The following LRRC59 variants were observed in gnomAD, a reference collection of about 807,000 sequenced individuals.
LRRC59 encodes the protein leucine rich repeat containing 59, also known as leucine-rich repeat-containing protein 59.
A neutral mutation model predicts 33.5 loss-of-function variants in LRRC59; 18 were observed. That is an observed-to-expected ratio of 0.54 (90% CI 0.37 to 0.80). The LOEUF (loss-of-function observed/expected upper bound fraction) is 0.80, where lower values mean the gene tolerates loss of function less well. Among genes scored for constraint, LRRC59 ranks in the 30% least tolerant of loss-of-function variants. The pLI is 0.00. For synonymous variants in LRRC59, 138 were observed against 160.0 expected, an observed-to-expected ratio of 0.86 and a Z score of 1.04; for missense variants, 330 against 391.9, an observed-to-expected ratio of 0.84 and a Z score of 1.33.
chr17:50,388,690 C>T lies in LRRC59; in HGVS notation c.430-558G>A, dbSNP rs2143362670. On this transcript the variant is annotated intron_variant, in intron 4 of 6. Transcript: ENST00000225972. ...AGAAAAAAGTGAAACACAATGCCAA[C>T]TCGAATCTGTAAAAAGTTCTGCCAT... Among the ~76,000 whole-genome samples the T allele has an allele frequency of 2.0e-5, 3 of 152,314 alleles. No individual in the cohort carries two copies. In the South Asian group the frequency reaches 6.2e-4, roughly 32 times the overall value.
At chr17:50,383,308 C>G in intron 6 of LRRC59, 73 bp from the exon 7 acceptor site, 1 of 1,485,224 alleles carries the variant, frequency 6.7e-7, no homozygotes, top group Non-Finnish European at 9.0e-7. Context: ...CTCTGCTAGT[C>G]TCCTCCGTGC....
chr17:50,384,802 A>G (rs1211295360), intron 6 of LRRC59, among the ~76,000 whole-genome samples: 1 of 150,156 alleles, frequency 6.7e-6, no homozygotes, highest in East Asian at 1.9e-4. Context: ...CATGTGTGTG[A>G]TTTTTGCATA....
intron 2 of LRRC59, among the ~76,000 whole-genome samples, chr17:50,393,280 G>T (rs933846645): frequency 2.6e-5 from 4 of 152,116 alleles, no homozygotes; most frequent in Non-Finnish European, 5.9e-5. Flanking sequence ...ATGGAAAAGG[G>T]CTTAGCACAA....
At chr17:50,389,595 A>G (rs1914092695) in intron 4 of LRRC59, among the ~76,000 whole-genome samples, 1 of 152,248 alleles carries the variant, frequency 6.6e-6, no homozygotes, top group Non-Finnish European at 1.5e-5. Flanking sequence ...GTAAGAAAAA[A>G]GAAGAAAACC....
intron 2 of LRRC59, 142 bp downstream of exon 2, chr17:50,394,787 C>G (rs1914232093): frequency 1.7e-6 from 1 of 588,128 alleles, no homozygotes; most frequent in Non-Finnish European, 3.0e-6. Flanking sequence ...CCCCTACACA[C>G]TCAGATTTAG....
At chr17:50,391,536 T>C (rs1914143253) in intron 4 of LRRC59, among the ~76,000 whole-genome samples, 1 of 152,158 alleles carries the variant, frequency 6.6e-6, no homozygotes, top group Non-Finnish European at 1.5e-5. Flanking sequence ...AAAGTGACTA[T>C]AGTTGGAGTT....
intron 6 of LRRC59, among the ~76,000 whole-genome samples, chr17:50,384,028 C>T (rs911624516): frequency 6.6e-6 from 1 of 151,182 alleles, no homozygotes; most frequent in African/African-American, 2.4e-5. Context: ...CAGGCCTCCA[C>T]TCTCTGTACA....
At chr17:50,384,215 A>G (rs1354967658) in intron 6 of LRRC59, among the ~76,000 whole-genome samples, 1 of 152,012 alleles carries the variant, frequency 6.6e-6, no homozygotes, top group Non-Finnish European at 1.5e-5. Context: ...TGACTCCTCT[A>G]GTGTTCAAGC....
chr17:50,395,213 A>G (rs1914241697), intron 1 of LRRC59, among the ~76,000 whole-genome samples: 1 of 152,122 alleles, frequency 6.6e-6, no homozygotes, highest in African/African-American at 2.4e-5. Context: ...ACCTCCAAGA[A>G]GGTAAACCTT....
intron 2 of LRRC59, among the ~76,000 whole-genome samples, chr17:50,393,471 G>A (rs1378148305): frequency 6.6e-6 from 1 of 152,186 alleles, no homozygotes; most frequent in Non-Finnish European, 1.5e-5. Context: ...CACTCCTGGA[G>A]TACTCAGTCT....
In LRRC59 at chr17:50,397,415, G is replaced by A. The variant is rs903611942; in HGVS notation, c.-98C>T. On this transcript the variant is annotated 5_prime_UTR_variant, in exon 1 of 7. Coordinates refer to ENST00000225972, the MANE Select transcript of LRRC59 (RefSeq NM_018509.4). Reference sequence around the variant, plus strand: ...TTCAGCGGCCCCCCACCCAAACGACGACGCCTGAGCCCTCCGTCGCCGCCG... The same window carrying A: ...TTCAGCGGCCCCCCACCCAAACGACAACGCCTGAGCCCTCCGTCGCCGCCG... The A allele has an allele frequency of 6.7e-6, 6 of 892,426 alleles. No homozygotes were observed. Among genetic ancestry groups the A allele is most frequent in the Middle Eastern group, 3.6e-4 (1 of 2,816 alleles). The allele number at this position is 892,426 out of a possible 1,614,324, so 55.3% of individuals were successfully genotyped here.
chr17:50,392,694 T>C, intron 3 of LRRC59, 45 bp downstream of exon 3: 1 of 1,605,106 alleles, frequency 6.2e-7, no homozygotes, highest in Non-Finnish European at 8.5e-7. Context: ...AGTCCCTGAG[T>C]TCTCTGCCAC....
intron 4 of LRRC59, among the ~76,000 whole-genome samples, chr17:50,392,190 C>T (rs540622770): frequency 6.6e-6 from 1 of 152,292 alleles, no homozygotes; most frequent in African/African-American, 2.4e-5. Context: ...AACAGAGCAA[C>T]TCTGTCTCAA....
rs1301507421 is a variant in LRRC59, at chr17:50,397,280, T to C, written c.38A>G (p.Asp13Gly). The change falls in exon 1 of 7, where the codon GAC becomes GGC. Residue 13 changes from aspartate (D) to glycine (G), a missense_variant. Asp to Gly is a moderately conservative substitution (Grantham distance 94). Coordinates refer to ENST00000225972, the MANE Select transcript of LRRC59 (RefSeq NM_018509.4). ...KAGSKGGNLRDKLDGNELDLS... is the reference protein window; with the variant it reads ...KAGSKGGNLRGKLDGNELDLS... The stretch of plus-strand genomic sequence containing the variant: ...GTCCAGTTCGTTGCCGTCCAGCTTG[T>C]CGCGGAGGTTCCCGCCCTTGCTACC... 6.2e-7 allele frequency: 1 copy of C among 1,610,120 alleles called. No individual in the cohort carries two copies. The highest frequency in any genetic ancestry group is 2.3e-5 in the East Asian group (1 of 44,298).
At chr17:50,389,934 T>TA (rs1206473735) in intron 4 of LRRC59, among the ~76,000 whole-genome samples, 1 of 151,470 alleles carries the variant, frequency 6.6e-6, no homozygotes, top group Non-Finnish European at 1.5e-5. Context: ...CCATCTCTAC[T>TA]AAAAAATACA....
At position 50,397,401 on chromosome 17, in the gene LRRC59, C is replaced by A; in HGVS notation, c.-84G>T. 1 of 1,056,924 alleles carries A rather than the reference C, an allele frequency of 9.5e-7. No homozygotes were observed. The highest frequency in any genetic ancestry group is 1.6e-5 in the South Asian group (1 of 62,408). The allele number at this position is 1,056,924 out of a possible 1,614,324, so 65.5% of individuals were successfully genotyped here. ...ATGTCGCTTGTCAGTTCAGCGGCCC[C>A]CCACCCAAACGACGACGCCTGAGCC... On this transcript the variant is annotated 5_prime_UTR_variant, in exon 1 of 7. Coordinates refer to ENST00000225972, the MANE Select transcript of LRRC59 (RefSeq NM_018509.4).
intron 4 of LRRC59, among the ~76,000 whole-genome samples, chr17:50,389,581 G>A (rs1043856413): frequency 1.3e-5 from 2 of 152,154 alleles, no homozygotes; most frequent in African/African-American, 2.4e-5. Context: ...TCTTTACCAT[G>A]TGAGTAAGAA....
intron 2 of LRRC59, among the ~76,000 whole-genome samples, chr17:50,393,905 G>A (rs986947392): frequency 3.9e-5 from 6 of 152,180 alleles, no homozygotes; most frequent in Non-Finnish European, 7.3e-5. Flanking sequence ...TGTCCAGGCT[G>A]CTCTCAAACT....
At chr17:50,394,099 T>C (rs1191363731) in intron 2 of LRRC59, among the ~76,000 whole-genome samples, 1 of 152,192 alleles carries the variant, frequency 6.6e-6, no homozygotes, top group African/African-American at 2.4e-5. Flanking sequence ...CTGTGGACGA[T>C]GAGCAAGGCC....
Sources: allele counts gnomAD v4.1 joint callset (sites outside exome capture counted in the v4.1 genomes callset), GRCh38; gene constraint gnomAD v4.1.1; transcripts MANE v1.5; gene names NCBI Gene and HGNC (gene_info 2026-07-23, HGNC 2026-07-21).